The following MTSS1 variants were observed in gnomAD, a reference collection of about 807,000 sequenced individuals.
The protein encoded by MTSS1 is protein MTSS 1.
Under a neutral mutation model 79.0 loss-of-function variants are expected in MTSS1, and 18 were observed. That is an observed-to-expected ratio of 0.23 (90% CI 0.16 to 0.34). The LOEUF (loss-of-function observed/expected upper bound fraction) is 0.34. Ranked by LOEUF, MTSS1 falls within the 10% of genes least tolerant of loss-of-function variation. The pLI, the probability that MTSS1 is intolerant of heterozygous loss-of-function variation, is 1.00. For missense variants in MTSS1, 815 were observed against 986.2 expected (o/e 0.83, Z 2.33); for synonymous variants, 341 against 368.6 (o/e 0.93, Z 0.86).
intron 8 of MTSS1, among the ~76,000 whole-genome samples, chr8:124,566,716 C>T (rs1826575518): frequency 1.3e-5 from 2 of 152,188 alleles, no homozygotes; most frequent in African/African-American, 4.8e-5. Flanking sequence ...CAATTAAGTG[C>T]ATGGGATCTG....
At chr8:124,674,394 C>T (rs561238478) in intron 3 of MTSS1, among the ~76,000 whole-genome samples, 8 of 152,300 alleles carry the variant, frequency 5.3e-5, no homozygotes, top group Admixed American at 1.3e-4. Flanking sequence ...GTACACCCCA[C>T]GCATCGCCAG....
intron 3 of MTSS1, among the ~76,000 whole-genome samples, chr8:124,642,006 GC>G (rs1440502880): frequency 6.6e-6 from 1 of 151,808 alleles, no homozygotes; most frequent in African/African-American, 2.4e-5. Context: ...GCTAAATCCA[GC>G]AAAAAGATAA....
chr8:124,695,602 T>C (rs1208380123), intron 3 of MTSS1, among the ~76,000 whole-genome samples: 2 of 152,198 alleles, frequency 1.3e-5, no homozygotes, highest in African/African-American at 4.8e-5. Context: ...GCAGAGCTTG[T>C]AGTAGCAAAT....
intron 3 of MTSS1, among the ~76,000 whole-genome samples, chr8:124,614,942 A>C (rs550590601): frequency 5.3e-4 from 81 of 152,372 alleles, no homozygotes; most frequent in Non-Finnish European, 1.0e-3. Context: ...GATAAACAGT[A>C]CTGGATGACA....
intron 3 of MTSS1, among the ~76,000 whole-genome samples, chr8:124,680,524 C>G (rs1587771026): frequency 6.6e-6 from 1 of 152,324 alleles, no homozygotes. Context: ...TAGGAAAAAA[C>G]AAAGGTTGTC....
intron 3 of MTSS1, among the ~76,000 whole-genome samples, chr8:124,624,331 G>C (rs1486290779): frequency 6.6e-6 from 1 of 152,212 alleles, no homozygotes; most frequent in Non-Finnish European, 1.5e-5. Flanking sequence ...TCTGAGCAGG[G>C]AAGGGACGTT....
Position 124,553,465 on chromosome 8 carries a change from C to T in MTSS1, c.1795G>A (p.Val599Ile). ...IRRTPSTKPS[V>I]RRGTIGAGPI... ...CCAGCTCCAATGGTTCCCCGGCGGA[C>T]AGAAGGCTTGGTGGAAGGGGTCCGT... The change falls in exon 14 of 14, where the codon GTC (valine) becomes ATC (isoleucine). Residue 599 changes from valine to isoleucine, a missense_variant. This residue lies in a region of MTSS1 where 590 missense variants were observed against 620.8 expected (regional missense o/e 0.95). Transcript: ENST00000518547. The surrounding 1 kb of genome is among the most constrained non-coding windows in gnomAD (Gnocchi z 6.0). The T allele has an allele frequency of 6.2e-7, 1 of 1,609,776 alleles. No homozygotes were observed. The highest frequency in any genetic ancestry group is 8.5e-7 in the Non-Finnish European group (1 of 1,176,912).
chr8:124,618,405 C>T (rs184229769), intron 3 of MTSS1, among the ~76,000 whole-genome samples: 222 of 152,306 alleles, frequency 1.5e-3, no homozygotes, highest in African/African-American at 4.9e-3. Context: ...ACTGTTGCAT[C>T]GTTCCACATG....
In MTSS1 at chr8:124,665,736, G is replaced by A. The variant is rs540464899; in HGVS notation, c.208+33790C>T. Among the ~76,000 whole-genome samples the A allele has an allele frequency of 1.9e-4, 29 of 152,242 alleles. No homozygotes were observed. The East Asian group carries it at 2.7e-3, about 14-fold the overall frequency. On this transcript the variant is annotated intron_variant, in intron 3 of 13. Coordinates refer to ENST00000518547, the MANE Select transcript of MTSS1 (RefSeq NM_014751.6). ...TACAAAATTAGCCAGGCGTGGTGGC[G>A]CATGCCTGTAATCCAAGCTACTCAG...
chr8:124,623,800 C>T (rs569785597), intron 3 of MTSS1, among the ~76,000 whole-genome samples: 35 of 152,270 alleles, frequency 2.3e-4, no homozygotes, highest in Admixed American at 1.4e-3. Context: ...CCACCACACC[C>T]GACTAATTTT....
intron 6 of MTSS1, chr8:124,577,515 G>A: frequency 5.9e-6 from 3 of 510,186 alleles, no homozygotes; most frequent in South Asian, 4.3e-5. Context: ...GGGATTACAG[G>A]CATGAGCCAC....
At chr8:124,591,086 T>A (rs1217833847) in intron 4 of MTSS1, 65 bp downstream of exon 4, 8 of 1,341,786 alleles carry the variant, frequency 6.0e-6, no homozygotes, top group Non-Finnish European at 7.5e-6. Flanking sequence ...GTGCCACACA[T>A]GACTGCTTCC....
chr8:124,555,840 T>A lies in MTSS1; in HGVS notation c.1469A>T (p.Asp490Val). Reference sequence around the variant, plus strand: ...CGAGTCCCGGCTGCTCCTCTGGGTGTCCAGCTGCAGGCCCCGAGACAGGGC... The same window carrying A: ...CGAGTCCCGGCTGCTCCTCTGGGTGACCAGCTGCAGGCCCCGAGACAGGGC... ...ALALSRGLQL[D>V]TQRSSRDSLQ... The change falls in exon 13 of 14, where the codon GAC becomes GTC. Residue 490 changes from aspartate (D) to valine (V), a missense_variant. Physicochemically the swap from Asp to Val is radical, Grantham distance 152. Coordinates refer to ENST00000518547, the MANE Select transcript of MTSS1 (RefSeq NM_014751.6). 1 of 1,613,326 alleles carries A rather than the reference T, an allele frequency of 6.2e-7. No homozygotes were observed. Among genetic ancestry groups the A allele is most frequent in the South Asian group, 1.1e-5 (1 of 91,036 alleles).
Position 124,712,348 on chromosome 8 carries a change from C to A in MTSS1, c.73-8157G>T, listed in dbSNP as rs142491906. 6.2e-3 allele frequency among the ~76,000 whole-genome samples: 948 copies of A among 152,312 alleles called. 2 individuals carry two copies. Among genetic ancestry groups the A allele is most frequent in the Middle Eastern group, 0.024 (7 of 294 alleles). ...TTCCGCTGGGTATACCCTGGATGAGCTCAGCCTTCAGGTTACCCTGAAGCT... is the reference window on the plus strand; with the variant it reads ...TTCCGCTGGGTATACCCTGGATGAGATCAGCCTTCAGGTTACCCTGAAGCT... On this transcript the variant is annotated intron_variant, in intron 1 of 13. Transcript: ENST00000518547.
intron 6 of MTSS1, chr8:124,579,973 T>C (rs961727585): frequency 6.6e-6 from 1 of 152,502 alleles, no homozygotes; most frequent in African/African-American, 2.4e-5. Flanking sequence ...GATTACTTAA[T>C]TGGAAGATCT....
intron 3 of MTSS1, among the ~76,000 whole-genome samples, chr8:124,660,008 T>C (rs1821699329): frequency 6.6e-6 from 1 of 152,010 alleles, no homozygotes; most frequent in African/African-American, 2.4e-5. Flanking sequence ...ATAAGAGCCA[T>C]AGAGTATTAG....
At chr8:124,692,487 A>G (rs1203260720) in intron 3 of MTSS1, among the ~76,000 whole-genome samples, 1 of 152,208 alleles carries the variant, frequency 6.6e-6, no homozygotes. Context: ...TGAAGTCTCA[A>G]TTAAACAATC....
Position 124,585,119 on chromosome 8 carries a change from T to C in MTSS1, c.428A>G (p.Asp143Gly). ...ARQEIKKKSSDTLKLQKKAKK... is the reference protein window; with the variant it reads ...ARQEIKKKSSGTLKLQKKAKK... ...TGCTTTCTTCTGCAGTTTCAGCGTA[T>C]CCGAGGACTTCTTTTTTATCTCTTG... The change falls in exon 6 of 14, where the codon GAT (aspartate) becomes GGT (glycine). Residue 143 changes from aspartate (D) to glycine (G), a missense_variant. This residue lies in a region of MTSS1 where 225 missense variants were observed against 365.4 expected (regional missense o/e 0.62). Transcript: ENST00000518547. 1.2e-6 allele frequency: 2 copies of C among 1,613,866 alleles called. No individual in the cohort carries two copies.
At chr8:124,719,962 A>T (rs1043153857) in intron 1 of MTSS1, among the ~76,000 whole-genome samples, 2 of 152,216 alleles carry the variant, frequency 1.3e-5, no homozygotes, top group Non-Finnish European at 2.9e-5. Flanking sequence ...CAATAGAGCT[A>T]GGAAACGCTA....
Sources: allele counts gnomAD v4.1 joint callset (sites outside exome capture counted in the v4.1 genomes callset), GRCh38; gene constraint gnomAD v4.1.1; regional missense constraint gnomAD v4.1.1; non-coding constraint Gnocchi (gnomAD v3.1); transcripts MANE v1.5; gene names NCBI Gene and HGNC (gene_info 2026-07-23, HGNC 2026-07-21).